The following CMIP variants were observed in gnomAD, a reference collection of about 807,000 sequenced individuals.
CMIP encodes c-Maf inducing protein.
Under a neutral mutation model 97.3 loss-of-function variants are expected in CMIP, and 13 were observed. The observed-to-expected ratio is 0.13, with a 90% CI of 0.09 to 0.21. The LOEUF is 0.21. Ranked by LOEUF, CMIP falls within the 10% of genes least tolerant of loss-of-function variation. The pLI is 1.00. For synonymous variants in CMIP, 538 were observed against 436.3 expected, an observed-to-expected ratio of 1.23 and a Z score of -2.91; for missense variants, 847 against 1,024.9, an observed-to-expected ratio of 0.83 and a Z score of 2.37.
chr16:81,582,684 C>T (rs56675531), intron 1 of CMIP, among the ~76,000 whole-genome samples: 2,180 of 152,238 alleles, frequency 0.014, 56 homozygotes, highest in African/African-American at 0.05. Flanking sequence ...GGTTGCATTC[C>T]CAGCAGGGCC....
At chr16:81,488,419 T>TA (rs1319476261) in intron 1 of CMIP, among the ~76,000 whole-genome samples, 2 of 152,140 alleles carry the variant, frequency 1.3e-5, no homozygotes, top group African/African-American at 4.8e-5. Context: ...AAATGAGTAA[T>TA]ACGTATGAAG....
intron 1 of CMIP, among the ~76,000 whole-genome samples, chr16:81,567,043 A>C (rs1371894000): frequency 6.6e-6 from 1 of 152,188 alleles, no homozygotes; most frequent in Non-Finnish European, 1.5e-5. Context: ...GAGTGTGAGC[A>C]TTTGTCAGGC....
chr16:81,706,498 G>A (rs1037489632), intron 19 of CMIP, among the ~76,000 whole-genome samples: 2 of 152,232 alleles, frequency 1.3e-5, no homozygotes, highest in South Asian at 4.1e-4. Flanking sequence ...CCCCGGGGGG[G>A]CGCGGTCCTC....
At position 81,579,705 on chromosome 16, in the gene CMIP, A is replaced by G. The variant is rs553819947; in HGVS notation, c.301-27862A>G. Among the ~76,000 whole-genome samples, 9 of 138,670 alleles carry G rather than the reference A, an allele frequency of 6.5e-5. No homozygotes were observed. In the East Asian group the frequency reaches 1.2e-3, roughly 18 times the overall value. 91.0% of individuals were successfully genotyped at this position (138,670 alleles called of 152,430 possible). On this transcript the variant is annotated intron_variant, in intron 1 of 20. Transcript: ENST00000537098. ...CTGGGCAAAGATTTCATGTAAAAAA[A>G]GAGTTCTGCCACTTAAAAAAAAATG... is the stretch of plus-strand genomic sequence containing the variant.
At chr16:81,581,838 T>G (rs894093111) in intron 1 of CMIP, among the ~76,000 whole-genome samples, 2 of 152,186 alleles carry the variant, frequency 1.3e-5, no homozygotes, top group Non-Finnish European at 2.9e-5. Context: ...TAGTCCCTGC[T>G]CTTTTCCTTC....
At chr16:81,551,749 G>A (rs758642702) in intron 1 of CMIP, among the ~76,000 whole-genome samples, 3 of 152,228 alleles carry the variant, frequency 2.0e-5, no homozygotes, top group Non-Finnish European at 4.4e-5. Flanking sequence ...ATAGGGGTCT[G>A]TGTCCAAGGT....
chr16:81,692,005 C>T (rs1448168930), intron 11 of CMIP, among the ~76,000 whole-genome samples, 165 bp downstream of exon 11: 1 of 152,096 alleles, frequency 6.6e-6, no homozygotes, highest in Non-Finnish European at 1.5e-5. Flanking sequence ...GCTGTGGGAC[C>T]CCTGGGGAGG....
intron 1 of CMIP, among the ~76,000 whole-genome samples, chr16:81,463,098 G>C (rs868417224): frequency 5.9e-5 from 9 of 152,204 alleles, no homozygotes; most frequent in African/African-American, 2.2e-4. Flanking sequence ...TGGACGATGA[G>C]TGCAGGTCTA....
intron 7 of CMIP, among the ~76,000 whole-genome samples, chr16:81,668,514 C>T (rs571822835): frequency 6.6e-6 from 1 of 152,140 alleles, no homozygotes; most frequent in Non-Finnish European, 1.5e-5. Context: ...TGGAAGAGGC[C>T]GAGCACGGCA....
Position 81,696,589 on chromosome 16 carries a change from C to T in CMIP, c.1560C>T (p.Ala520=), listed in dbSNP as rs777261613. ...ACTCATGCCTGCTGAGCGTGCGGGC[C>T]GGCAAAGATGGCTGGTTCCAGCTCT... ...EVHSCLLSVR[A]GKDGWFQLYS... is the part of the protein sequence containing the mutation. The change falls in exon 14 of 21, where the codon GCC becomes GCT. Residue 520 remains alanine, a synonymous_variant. Transcript: ENST00000537098. 4.5e-5 allele frequency: 72 copies of T among 1,606,170 alleles called. No homozygotes were observed. Among genetic ancestry groups the T allele is most frequent in the South Asian group, 4.4e-4 (40 of 91,080 alleles).
At chr16:81,460,758 A>C (rs1416583811) in intron 1 of CMIP, among the ~76,000 whole-genome samples, 2 of 152,200 alleles carry the variant, frequency 1.3e-5, no homozygotes, top group Admixed American at 1.3e-4. Flanking sequence ...CATCATGCTG[A>C]ACGTGGGAGA....
chr16:81,551,908 G>C (rs1428255488), intron 1 of CMIP, among the ~76,000 whole-genome samples: 1 of 152,236 alleles, frequency 6.6e-6, no homozygotes, highest in African/African-American at 2.4e-5. Context: ...CCCCGGTCCA[G>C]GGACTTGAAA....
chr16:81,702,977 A>G (rs563886324), intron 17 of CMIP, among the ~76,000 whole-genome samples: 84 of 152,238 alleles, frequency 5.5e-4, no homozygotes, highest in African/African-American at 1.9e-3. Flanking sequence ...ATGCTCTTCT[A>G]TTAGTTTGTT....
At chr16:81,501,892 G>A (rs934781339) in intron 1 of CMIP, among the ~76,000 whole-genome samples, 1 of 152,170 alleles carries the variant, frequency 6.6e-6, no homozygotes, top group African/African-American at 2.4e-5. Flanking sequence ...GGTTACAGGC[G>A]TGAGCCATTC....
intron 1 of CMIP, among the ~76,000 whole-genome samples, chr16:81,466,590 C>T (rs543587620): frequency 2.8e-4 from 43 of 152,288 alleles, no homozygotes; most frequent in African/African-American, 1.0e-3. Flanking sequence ...GCTCAGGAAG[C>T]ACTTCTTATT....
chr16:81,641,412 C>T (rs2092305525), intron 3 of CMIP, among the ~76,000 whole-genome samples: 1 of 152,120 alleles, frequency 6.6e-6, no homozygotes, highest in Admixed American at 6.6e-5. Context: ...AAAACAGCTA[C>T]ATACAATTTT....
At chr16:81,604,181 G>T (rs535532258) in intron 1 of CMIP, among the ~76,000 whole-genome samples, 1 of 151,554 alleles carries the variant, frequency 6.6e-6, no homozygotes, top group South Asian at 2.1e-4. Context: ...ATCACCTGAG[G>T]TCAGGAGTTC....
chr16:81,500,477 C>A (rs1310363538), intron 1 of CMIP, among the ~76,000 whole-genome samples: 3 of 141,206 alleles, frequency 2.1e-5, no homozygotes, highest in Non-Finnish European at 4.6e-5. Flanking sequence ...CTTTCCTCCC[C>A]CTTTTCTTTC....
At chr16:81,454,322 T>C (rs1284020049) in intron 1 of CMIP, among the ~76,000 whole-genome samples, 1 of 152,206 alleles carries the variant, frequency 6.6e-6, no homozygotes, top group East Asian at 1.9e-4. Context: ...TAAAGAGAGC[T>C]GGGAGGAAGT....
Sources: allele counts gnomAD v4.1 joint callset (sites outside exome capture counted in the v4.1 genomes callset), GRCh38; gene constraint gnomAD v4.1.1; transcripts MANE v1.5; gene names NCBI Gene and HGNC (gene_info 2026-07-23, HGNC 2026-07-21).